CDH4: variants seen among roughly 807,000 people sequenced by gnomAD.
The protein encoded by CDH4 is cadherin-4.
In CDH4, 33 loss-of-function variants were observed where a neutral mutation model predicts 86.0. The ratio of observed to expected loss-of-function variants is 0.38; its 90% CI spans 0.29 to 0.51. CDH4 has a LOEUF of 0.51. CDH4 is among the 20% of genes least tolerant of loss of function. CDH4 has a pLI of 0.86. For synonymous variants in CDH4, 555 were observed against 549.4 expected, an observed-to-expected ratio of 1.01 and a Z score of -0.14; for missense variants, 1,114 against 1,307.4, an observed-to-expected ratio of 0.85 and a Z score of 2.28.
At chr20:61,581,152 G>C (rs1168840442) in intron 2 of CDH4, among the ~76,000 whole-genome samples, 1 of 152,204 alleles carries the variant, frequency 6.6e-6, no homozygotes, top group Non-Finnish European at 1.5e-5. Flanking sequence ...CTGCAGAGGA[G>C]GCAGCAGGCT....
At chr20:61,922,240 G>C (rs778378626) in intron 9 of CDH4, among the ~76,000 whole-genome samples, 1 of 152,200 alleles carries the variant, frequency 6.6e-6, no homozygotes. Context: ...AATGTGTTGT[G>C]TTTTTTTCCA....
At chr20:61,630,365 T>A (rs553556947) in intron 2 of CDH4, among the ~76,000 whole-genome samples, 1 of 152,330 alleles carries the variant, frequency 6.6e-6, no homozygotes, top group Admixed American at 6.5e-5. Context: ...CAGGATGCTC[T>A]TGACCACGGT....
intron 2 of CDH4, among the ~76,000 whole-genome samples, chr20:61,666,188 C>T (rs2087322143): frequency 6.6e-6 from 1 of 152,198 alleles, no homozygotes; most frequent in Non-Finnish European, 1.5e-5. Context: ...CTTGATTTTC[C>T]CTGCCAAAAA....
intron 9 of CDH4, among the ~76,000 whole-genome samples, chr20:61,911,688 C>CAAA (rs1568883178): frequency 9.0e-5 from 13 of 144,620 alleles, no homozygotes; most frequent in Non-Finnish European, 1.0e-4. Flanking sequence ...TAGGATATGC[C>CAAA]GAAGCATAAG....
chr20:61,418,584 G>C (rs2085160073), intron 2 of CDH4, among the ~76,000 whole-genome samples: 1 of 152,200 alleles, frequency 6.6e-6, no homozygotes, highest in African/African-American at 2.4e-5. Context: ...CTATCTATCA[G>C]ATGGGCTGAT....
At chr20:61,301,727 A>G (rs770338749) in intron 2 of CDH4, among the ~76,000 whole-genome samples, 8 of 152,260 alleles carry the variant, frequency 5.3e-5, no homozygotes, top group Non-Finnish European at 1.0e-4. Flanking sequence ...GTGGGGAGAC[A>G]GGAAGCCTGA....
chr20:61,846,350 A>G (rs1460602422), intron 5 of CDH4, among the ~76,000 whole-genome samples: 1 of 152,254 alleles, frequency 6.6e-6, no homozygotes, highest in African/African-American at 2.4e-5. Context: ...CCCCCTGGCT[A>G]TGCAGCAAGA....
intron 2 of CDH4, among the ~76,000 whole-genome samples, chr20:61,327,066 G>C (rs2084540658): frequency 6.6e-6 from 1 of 152,192 alleles, no homozygotes; most frequent in Non-Finnish European, 1.5e-5. Context: ...CCATTCTGCA[G>C]CAAAGGAGAG....
chr20:61,782,194 A>G (rs1978582963), intron 4 of CDH4, among the ~76,000 whole-genome samples: 1 of 152,178 alleles, frequency 6.6e-6, no homozygotes. Flanking sequence ...CTATAATCCC[A>G]GCTACTCAGG....
chr20:61,564,494 A>T (rs1205015706), intron 2 of CDH4, among the ~76,000 whole-genome samples: 1 of 151,896 alleles, frequency 6.6e-6, no homozygotes, highest in East Asian at 1.9e-4. Context: ...CGTTTAAAAG[A>T]CTGTGGCACC....
chr20:61,653,751 G>A lies in CDH4; in HGVS notation c.170-89812G>A, dbSNP rs1476820179. Among the ~76,000 whole-genome samples the A allele has an allele frequency of 2.9e-4, 34 of 115,302 alleles. 8 individuals carry two copies. The highest frequency in any genetic ancestry group is 9.0e-4 in the East Asian group (4 of 4,432). 75.6% of individuals were successfully genotyped at this position (115,302 alleles called of 152,430 possible). On this transcript the variant is annotated intron_variant, in intron 2 of 15. Coordinates refer to ENST00000614565, the MANE Select transcript of CDH4 (RefSeq NM_001794.5). ...GCGCTCCTCACATCCCAGACGGGGC[G>A]GCGGGGCAGAGGCGCTCCCCACATC...
At position 61,499,409 on chromosome 20, in the gene CDH4, T is replaced by G. The variant is rs183695377; in HGVS notation, c.170-244154T>G. 1.3e-3 allele frequency: 1,701 copies of G among 1,264,116 alleles called. 9 individuals carry two copies. Among genetic ancestry groups the G allele is most frequent in the Non-Finnish European group, 1.3e-3 (1,213 of 965,842 alleles). 78.3% of individuals were successfully genotyped at this position (1,264,116 alleles called of 1,614,324 possible). A position where few individuals can be genotyped will look rare whatever the true frequency, so the allele number is the denominator to read the frequency against. ...AGGTTATGCGGGACTGGGGTGCAGG[T>G]GTGCCTGGTTCAGAACAAGGATTCG... On this transcript the variant is annotated intron_variant, in intron 2 of 15. Transcript: ENST00000614565.
At chr20:61,798,890 C>A (rs1979689503) in intron 4 of CDH4, among the ~76,000 whole-genome samples, 1 of 152,214 alleles carries the variant, frequency 6.6e-6, no homozygotes, top group East Asian at 1.9e-4. Context: ...AACTGGCAGT[C>A]AGTGAGGATT....
At chr20:61,896,816 G>A (rs983374052) in intron 8 of CDH4, among the ~76,000 whole-genome samples, 1 of 152,186 alleles carries the variant, frequency 6.6e-6, no homozygotes, top group African/African-American at 2.4e-5. Flanking sequence ...GAATAATAAC[G>A]TCCAGGCCCA....
chr20:61,934,857 A>C (rs1417439119), intron 15 of CDH4, among the ~76,000 whole-genome samples: 1 of 152,180 alleles, frequency 6.6e-6, no homozygotes, highest in African/African-American at 2.4e-5. Flanking sequence ...ACTTGACTTG[A>C]CCAACAAGCA....
chr20:61,285,072 G>GT (rs776837492), intron 2 of CDH4, among the ~76,000 whole-genome samples: 10,244 of 150,498 alleles, frequency 0.068, 391 homozygotes, highest in Non-Finnish European at 0.081. Flanking sequence ...AGCCTTTCCT[G>GT]TTTTTTTTTT....
At position 61,623,678 on chromosome 20, in the gene CDH4, G is replaced by A. The variant is rs1220621742; in HGVS notation, c.170-119885G>A. Among the ~76,000 whole-genome samples the A allele has an allele frequency of 1.3e-5, 2 of 152,168 alleles. No individual in the cohort carries two copies. Among genetic ancestry groups the A allele is most frequent in the Non-Finnish European group, 2.9e-5 (2 of 68,044 alleles). ...TTCTGACGTCACCACGCAGCCCTGG[G>A]GACCAGCCATCCCCAGGAGAAGGCT... On this transcript the variant is annotated intron_variant, in intron 2 of 15. Transcript: ENST00000614565. This position sits in a 1 kb window ranked among gnomAD's most constrained non-coding sequence, Gnocchi z 4.4.
intron 2 of CDH4, among the ~76,000 whole-genome samples, chr20:61,291,809 C>T (rs1029347719): frequency 2.6e-5 from 4 of 152,160 alleles, no homozygotes; most frequent in East Asian, 3.9e-4. Flanking sequence ...TAACACGTGT[C>T]ACAAGGGCTT....
chr20:61,433,937 C>T (rs536940760), intron 2 of CDH4, among the ~76,000 whole-genome samples: 164 of 152,316 alleles, frequency 1.1e-3, no homozygotes, highest in Non-Finnish European at 2.1e-3. Context: ...CTAAAGCCAG[C>T]TTACATAGAC....
Sources: allele counts gnomAD v4.1 joint callset (sites outside exome capture counted in the v4.1 genomes callset), GRCh38; gene constraint gnomAD v4.1.1; non-coding constraint Gnocchi (gnomAD v3.1); transcripts MANE v1.5; gene names NCBI Gene and HGNC (gene_info 2026-07-23, HGNC 2026-07-21).